LAMA2: variants seen among roughly 807,000 people sequenced by gnomAD.
LAMA2 encodes the protein laminin subunit alpha-2.
Under a neutral mutation model 364.8 loss-of-function variants are expected in LAMA2, and 269 were observed. The ratio of observed to expected loss-of-function variants is 0.74; its 90% confidence interval spans 0.67 to 0.82. LAMA2 has a LOEUF of 0.82. Among genes scored for constraint, LAMA2 ranks in the 40% least tolerant of loss-of-function variants. The pLI is 0.00. For missense variants in LAMA2, 3,807 were observed against 3,873.2 expected (o/e 0.98, Z 0.45); for synonymous variants, 1,379 against 1,370.6 (o/e 1.01, Z -0.14).
In LAMA2 at chr6:129,260,784, T is replaced by C. The variant is rs1279530883; in HGVS notation, c.2170T>C (p.Cys724Arg). Reference protein sequence around the residue: ...DGSIAAAVEVCQCPPGYTGSS... With the variant: ...DGSIAAAVEVRQCPPGYTGSS... ...AAGCATTGCAGCAGCTGTAGAAGTG[T>C]GTCAGTGCCCACCAGGGTATACTGG... The change falls in exon 15 of 65, where the codon TGT becomes CGT. Residue 724 changes from cysteine (C) to arginine (R), a missense_variant. By Grantham distance (180) the Cys-to-Arg change is radical. Around this residue, in one of 3 missense-constraint regions of LAMA2, gnomAD observed 3,333 missense variants for 3,345.7 expected, o/e 1.00. Coordinates refer to ENST00000421865, the MANE Select transcript of LAMA2 (RefSeq NM_000426.4). 6.2e-7 allele frequency: 1 copy of C among 1,612,144 alleles called. No homozygotes were observed. The highest frequency in any genetic ancestry group is 1.7e-5 in the Admixed American group (1 of 59,964).
chr6:129,122,361 G>A (rs577247465), intron 4 of LAMA2, among the ~76,000 whole-genome samples: 9 of 152,188 alleles, frequency 5.9e-5, no homozygotes, highest in Non-Finnish European at 7.4e-5. Context: ...ACTGGATTTC[G>A]TTCTGGGGAG....
intron 12 of LAMA2, among the ~76,000 whole-genome samples, chr6:129,206,920 A>G (rs555123656): frequency 6.6e-6 from 1 of 152,226 alleles, no homozygotes; most frequent in Non-Finnish European, 1.5e-5. Context: ...GACGGAATTG[A>G]GCCAATTAGA....
At chr6:128,942,596 GT>G (rs549576799) in intron 1 of LAMA2, among the ~76,000 whole-genome samples, 1 of 152,112 alleles carries the variant, frequency 6.6e-6, no homozygotes, top group South Asian at 2.1e-4. Flanking sequence ...CATTTTTGTT[GT>G]TGTTGTGTAC....
intron 4 of LAMA2, among the ~76,000 whole-genome samples, chr6:129,111,596 C>T (rs1371781851): frequency 6.6e-6 from 1 of 151,832 alleles, no homozygotes; most frequent in Non-Finnish European, 1.5e-5. Context: ...CTAATATGTG[C>T]CAAAGCATGA....
rs139817465 is a variant in LAMA2 at position 129,103,491 on chromosome 6, T to C, written c.639+5076T>C. On this transcript the variant is annotated intron_variant, in intron 4 of 64. Coordinates refer to ENST00000421865, the MANE Select transcript of LAMA2 (RefSeq NM_000426.4). ...ATTCAGGTTTCATTCATTTTACCAA[T>C]TTCATTTTTTCTCTTCTGGGATCCA... Among the ~76,000 whole-genome samples the C allele has an allele frequency of 1.9e-3, 294 of 152,300 alleles. 2 individuals are homozygous for C. The highest frequency in any genetic ancestry group is 2.9e-3 in the Non-Finnish European group (196 of 68,010).
chr6:129,389,915 G>A (rs891209775), intron 35 of LAMA2, among the ~76,000 whole-genome samples: 2 of 152,046 alleles, frequency 1.3e-5, no homozygotes, highest in African/African-American at 4.8e-5. Context: ...GGTGGTCGGT[G>A]GGGGGACACA....
At chr6:129,490,514 A>AGAG (rs1261491545) in intron 56 of LAMA2, among the ~76,000 whole-genome samples, 1 of 152,232 alleles carries the variant, frequency 6.6e-6, no homozygotes. Flanking sequence ...AATCAAGAAC[A>AGAG]GAGATTTACT....
chr6:128,929,614 A>C (rs1282007125), intron 1 of LAMA2: 8 of 1,375,534 alleles, frequency 5.8e-6, no homozygotes, highest in African/African-American at 2.8e-5. Flanking sequence ...AAGCGCTTCC[A>C]CGATGCTGAC....
At chr6:129,287,441 GCAA>G (rs992842650) in intron 18 of LAMA2, among the ~76,000 whole-genome samples, 14 of 152,120 alleles carry the variant, frequency 9.2e-5, no homozygotes, top group African/African-American at 2.9e-4. Flanking sequence ...AGTTCTGGCT[GCAA>G]CAACAACAAA....
At chr6:129,238,822 A>G (rs1271878377) in intron 12 of LAMA2, among the ~76,000 whole-genome samples, 1 of 152,206 alleles carries the variant, frequency 6.6e-6, no homozygotes, top group African/African-American at 2.4e-5. Context: ...TTGAAATTCT[A>G]AAGTTCCATG....
intron 18 of LAMA2, among the ~76,000 whole-genome samples, chr6:129,282,508 G>T (rs1788791301): frequency 6.6e-6 from 1 of 152,002 alleles, no homozygotes; most frequent in Admixed American, 6.6e-5. Flanking sequence ...AGCTTACCTA[G>T]TACCAAAGGC....
At chr6:129,148,117 A>G (rs2114966237) in intron 6 of LAMA2, among the ~76,000 whole-genome samples, 1 of 152,002 alleles carries the variant, frequency 6.6e-6, no homozygotes, top group South Asian at 2.1e-4. Flanking sequence ...CTTTACTGTT[A>G]TTTTATTTGG....
intron 3 of LAMA2, among the ~76,000 whole-genome samples, chr6:129,088,616 G>A (rs1583020480): frequency 6.7e-6 from 1 of 150,182 alleles, no homozygotes; most frequent in African/African-American, 2.5e-5. Context: ...GGGCGGAGAC[G>A]CTCCTCACTT....
intron 1 of LAMA2, among the ~76,000 whole-genome samples, chr6:128,911,012 G>C (rs901459181): frequency 1.3e-5 from 2 of 151,168 alleles, no homozygotes; most frequent in South Asian, 4.2e-4. Context: ...CTCCAGCTGC[G>C]TACTGGGAGA....
At chr6:129,034,354 G>A (rs914682709) in intron 1 of LAMA2, among the ~76,000 whole-genome samples, 4 of 152,066 alleles carry the variant, frequency 2.6e-5, no homozygotes, top group Non-Finnish European at 4.4e-5. Flanking sequence ...GTTGAAGTAC[G>A]AACACATTAT....
chr6:128,895,468 TA>T (rs34458994), intron 1 of LAMA2, among the ~76,000 whole-genome samples: 12,279 of 65,874 alleles, frequency 0.19, 732 homozygotes, highest in African/African-American at 0.3. Context: ...CTGTCTCTAC[TA>T]AAAAAAAAAA....
chr6:129,297,230 G>C (rs759794360), intron 20 of LAMA2, among the ~76,000 whole-genome samples: 3 of 152,114 alleles, frequency 2.0e-5, no homozygotes, highest in Non-Finnish European at 2.9e-5. Flanking sequence ...GGGCAAAAAG[G>C]ATTATTTTAA....
chr6:129,272,230 T>A (rs1471996166), intron 17 of LAMA2, among the ~76,000 whole-genome samples: 1 of 152,162 alleles, frequency 6.6e-6, no homozygotes, highest in Non-Finnish European at 1.5e-5. Context: ...AAAATGGCAT[T>A]ATGATGCCAA....
rs533364660 is a variant in LAMA2 at position 128,884,189 on chromosome 6, G to A, written c.112+832G>A. ...ATAGCTCTCATTTCTGAAACTTTGG[G>A]GAGTCTTTGAAGAGTTATTTTATTA... On this transcript the variant is annotated intron_variant, in intron 1 of 64. Coordinates refer to ENST00000421865, the MANE Select transcript of LAMA2 (RefSeq NM_000426.4). 3.3e-5 allele frequency among the ~76,000 whole-genome samples: 5 copies of A among 152,106 alleles called. No homozygotes were observed. In the South Asian group the frequency reaches 8.3e-4, roughly 25 times the overall value.
Sources: gnomAD v4.1 joint callset for allele counts (sites outside exome capture counted in the v4.1 genomes callset) on GRCh38, gnomAD v4.1.1 for gene constraint, gnomAD v4.1.1 regional missense constraint, MANE v1.5 for transcripts, NCBI Gene and HGNC (gene_info 2026-07-23, HGNC 2026-07-21) for gene names.